The following FAR2 variants were observed in gnomAD, a reference collection of about 807,000 sequenced individuals.
FAR2 encodes fatty acyl-CoA reductase 2, also known as epididymis secretory protein Li 81.
A neutral mutation model predicts 56.0 loss-of-function variants in FAR2; 19 were observed. The ratio of observed to expected loss-of-function variants is 0.34; its 90% CI spans 0.24 to 0.50. The LOEUF is 0.50. Ranked by LOEUF, FAR2 falls within the 20% of genes least tolerant of loss-of-function variation. FAR2 has a pLI of 0.98. For synonymous variants in FAR2, 219 were observed against 218.8 expected, an observed-to-expected ratio of 1.00 and a Z score of -0.01; for missense variants, 508 against 642.2, an observed-to-expected ratio of 0.79 and a Z score of 2.26.
In FAR2 at chr12:29,311,964, C is replaced by G; in HGVS notation, c.955+14C>G. ...GGCACAAAATGGGTAAGTACTTTAGCTATGTAACTCTATAATTACTAGTGT... is the reference window on the plus strand; with the variant it reads ...GGCACAAAATGGGTAAGTACTTTAGGTATGTAACTCTATAATTACTAGTGT... On this transcript the variant is annotated intron_variant, in intron 8 of 11. Coordinates refer to ENST00000536681, the MANE Select transcript of FAR2 (RefSeq NM_001271783.2). The G allele has an allele frequency of 6.3e-7, 1 of 1,577,330 alleles. No individual in the cohort carries two copies. Among genetic ancestry groups the G allele is most frequent in the Non-Finnish European group, 8.7e-7 (1 of 1,150,214 alleles).
intron 2 of FAR2, among the ~76,000 whole-genome samples, chr12:29,277,002 GTC>G (rs1948711653): frequency 6.6e-6 from 1 of 152,060 alleles, no homozygotes; most frequent in South Asian, 2.1e-4. Flanking sequence ...TTGAGACGGA[GTC>G]TCACTCTGTC....
intron 1 of FAR2, among the ~76,000 whole-genome samples, chr12:29,183,703 C>T (rs1051762791): frequency 6.6e-6 from 1 of 152,120 alleles, no homozygotes; most frequent in African/African-American, 2.4e-5. Context: ...TGTAGTACAG[C>T]TTTTATGTTC....
intron 1 of FAR2, among the ~76,000 whole-genome samples, chr12:29,183,591 A>T (rs1950011659): frequency 6.6e-6 from 1 of 152,206 alleles, no homozygotes; most frequent in Non-Finnish European, 1.5e-5. Context: ...TCTGTTAATT[A>T]TACTTTCTAA....
At chr12:29,202,461 A>ATCTC (rs1396571445) in intron 1 of FAR2, among the ~76,000 whole-genome samples, 3 of 152,216 alleles carry the variant, frequency 2.0e-5, no homozygotes, top group Non-Finnish European at 4.4e-5. Context: ...GAACGTACTG[A>ATCTC]TAGAGTCATT....
In FAR2 at chr12:29,293,512, A is replaced by T. The variant is rs372240597; in HGVS notation, c.365+37A>T. 1.1e-5 allele frequency: 15 copies of T among 1,343,800 alleles called. No homozygotes were observed. In the African/African-American group the frequency reaches 2.1e-4, roughly 19 times the overall value. 83.2% of individuals were successfully genotyped at this position (1,343,800 alleles called of 1,614,324 possible). On this transcript the variant is annotated intron_variant, in intron 3 of 11. Transcript: ENST00000536681. ...TTTCCCTCTCATGGCTTGTATACAT[A>T]TGTGTGCATGTAAATTTCTTCATAG...
chr12:29,245,685 A>G (rs564341017), intron 1 of FAR2, among the ~76,000 whole-genome samples: 1 of 152,268 alleles, frequency 6.6e-6, no homozygotes, highest in South Asian at 2.1e-4. Flanking sequence ...GCTCAGAAAT[A>G]TCCAGTCCCT....
chr12:29,297,789 T>C (rs1448378863), intron 4 of FAR2, among the ~76,000 whole-genome samples: 1 of 152,214 alleles, frequency 6.6e-6, no homozygotes, highest in Admixed American at 6.5e-5. Context: ...CTCACGCCTG[T>C]AATCCCAGCA....
intron 1 of FAR2, among the ~76,000 whole-genome samples, chr12:29,258,050 A>G (rs1290008610): frequency 6.6e-6 from 1 of 152,130 alleles, no homozygotes; most frequent in Non-Finnish European, 1.5e-5. Context: ...TTCCACCGAT[A>G]AAAATCACAG....
intron 1 of FAR2, among the ~76,000 whole-genome samples, chr12:29,194,521 C>CCACACACA (rs3222956): frequency 0.05 from 7,004 of 140,756 alleles, 208 homozygotes; most frequent in East Asian, 0.12. Context: ...GCTAGTGATG[C>CCACACACA]CACACACACA....
At chr12:29,280,267 A>G (rs1948767019) in intron 2 of FAR2, among the ~76,000 whole-genome samples, 1 of 152,088 alleles carries the variant, frequency 6.6e-6, no homozygotes, top group Admixed American at 6.6e-5. Flanking sequence ...TCTTTTACCC[A>G]GGTATGTTAT....
intron 1 of FAR2, among the ~76,000 whole-genome samples, chr12:29,239,172 T>C (rs1459265588): frequency 2.6e-5 from 4 of 152,198 alleles, no homozygotes; most frequent in Non-Finnish European, 4.4e-5. Flanking sequence ...AAGCAAGTTA[T>C]AGGACCTGCC....
intron 1 of FAR2, among the ~76,000 whole-genome samples, chr12:29,256,859 G>A (rs7300032): frequency 0.56 from 85,352 of 152,150 alleles, 24,501 homozygotes; most frequent in African/African-American, 0.67. Context: ...ATTTCTCACC[G>A]GGCCTTAGCT....
intron 1 of FAR2, among the ~76,000 whole-genome samples, chr12:29,214,797 G>A (rs564559118): frequency 2.8e-4 from 43 of 151,346 alleles, no homozygotes; most frequent in African/African-American, 1.0e-3. Flanking sequence ...TTCCAGCCTG[G>A]GCAACAGAGA....
At chr12:29,294,754 T>C (rs1217156035) in intron 3 of FAR2, among the ~76,000 whole-genome samples, 1 of 152,250 alleles carries the variant, frequency 6.6e-6, no homozygotes, top group African/African-American at 2.4e-5. Flanking sequence ...CCTAGTATTT[T>C]TATGGTTTCA....
chr12:29,304,754 G>A (rs1433444832), intron 4 of FAR2, among the ~76,000 whole-genome samples: 1 of 152,154 alleles, frequency 6.6e-6, no homozygotes, highest in Non-Finnish European at 1.5e-5. Context: ...TATACATACT[G>A]CTTTCTGAAA....
intron 1 of FAR2, among the ~76,000 whole-genome samples, chr12:29,158,848 G>T (rs972084806): frequency 1.3e-5 from 2 of 152,206 alleles, no homozygotes. Flanking sequence ...AGCCAGTCCT[G>T]AAGACGTAAA....
chr12:29,302,877 C>T (rs1007310788), intron 4 of FAR2, among the ~76,000 whole-genome samples: 10 of 152,060 alleles, frequency 6.6e-5, no homozygotes, highest in African/African-American at 2.4e-4. Flanking sequence ...TAAAAAACAT[C>T]TCCATGTTTT....
chr12:29,219,485 A>G (rs1433069983), intron 1 of FAR2, among the ~76,000 whole-genome samples: 1 of 152,182 alleles, frequency 6.6e-6, no homozygotes, highest in Non-Finnish European at 1.5e-5. Context: ...GATAGAGGAC[A>G]CACTCCATGA....
chr12:29,328,900 A>T (rs186976283), intron 10 of FAR2, among the ~76,000 whole-genome samples: 61 of 152,016 alleles, frequency 4.0e-4, no homozygotes, highest in Admixed American at 7.9e-4. Flanking sequence ...AATAATAATT[A>T]AAAAAAAGAA....
Sources: allele counts gnomAD v4.1 joint callset (sites outside exome capture counted in the v4.1 genomes callset), GRCh38; gene constraint gnomAD v4.1.1; transcripts MANE v1.5; gene names NCBI Gene and HGNC (gene_info 2026-07-23, HGNC 2026-07-21).